The following STAG2 variants were observed in gnomAD, a reference collection of about 807,000 sequenced individuals.
STAG2 encodes STAG2 cohesin complex component, also known as cohesin subunit SA-2.
In STAG2, 14 loss-of-function variants were observed where a neutral mutation model predicts 108.1. The observed-to-expected ratio is 0.13, with a 90% CI of 0.09 to 0.20. STAG2 has a LOEUF of 0.20. STAG2 is among the 10% of genes least tolerant of loss of function. The pLI, the probability that STAG2 is intolerant of heterozygous loss-of-function variation, is 1.00. For synonymous variants in STAG2, 307 were observed against 302.7 expected, an observed-to-expected ratio of 1.01 and a Z score of -0.15; for missense variants, 440 against 940.9, an observed-to-expected ratio of 0.47 and a Z score of 6.96.
chrX:124,042,186 T>C (rs1189010783), intron 6 of STAG2, among the ~76,000 whole-genome samples: 1 of 111,177 alleles, frequency 9.0e-6, no homozygotes, highest in Non-Finnish European at 1.9e-5. Flanking sequence ...ATCTTCAGCT[T>C]CATCCCCAAG....
intron 25 of STAG2, among the ~76,000 whole-genome samples, chrX:124,072,793 C>T (rs1238070741): frequency 2.7e-5 from 3 of 109,473 alleles, no homozygotes; most frequent in Non-Finnish European, 5.7e-5. Context: ...CTCTGCCTCC[C>T]GGGTTCAAAT....
intron 14 of STAG2, among the ~76,000 whole-genome samples, 183 bp downstream of exon 14, chrX:124,056,418 T>C (rs754833830): frequency 9.0e-6 from 1 of 111,211 alleles, no homozygotes; most frequent in Non-Finnish European, 1.9e-5. Flanking sequence ...AGTTCTTTGA[T>C]TTATTTTAAG....
chrX:124,005,366 C>T (rs73212919), intron 1 of STAG2, among the ~76,000 whole-genome samples: 1 of 111,565 alleles, frequency 9.0e-6, no homozygotes, highest in Non-Finnish European at 1.9e-5. Flanking sequence ...GGTGTAAGCA[C>T]TACCACCACC....
rs747333406 is a variant in STAG2 at position 123,972,866 on chromosome X, C to CAAAAAAAAAAAA, written c.-163+11024_-163+11035dup. Among the ~76,000 whole-genome samples the CAAAAAAAAAAAA allele has an allele frequency of 2.0e-3, 43 of 21,906 alleles. 1 individual carries two copies. The highest frequency in any genetic ancestry group is 4.4e-3 in the African/African-American group (23 of 5,268). 19.0% of individuals were successfully genotyped at this position (21,906 alleles called of 115,157 possible). On this transcript the variant is annotated intron_variant, in intron 1 of 34. Transcript: ENST00000371145. The stretch of plus-strand genomic sequence containing the variant: ...AAACTCCCCCCCTCTACCAAAAATA[C>CAAAAAAAAAAAA]AAAAAAAAAAAAAAAAAAAAAAAAA...
chrX:124,016,352 C>T (rs1408509924), intron 1 of STAG2, among the ~76,000 whole-genome samples: 2 of 111,592 alleles, frequency 1.8e-5, no homozygotes, highest in Non-Finnish European at 3.8e-5. Flanking sequence ...ATTTCCCCTT[C>T]ATAATTTCCT....
chrX:123,990,839 A>G (rs776946123), intron 1 of STAG2, among the ~76,000 whole-genome samples: 1 of 112,001 alleles, frequency 8.9e-6, no homozygotes, highest in Non-Finnish European at 1.9e-5. Flanking sequence ...CCCTGGGGAC[A>G]CCAGGCTGTT....
intron 1 of STAG2, among the ~76,000 whole-genome samples, chrX:123,973,673 C>T (rs933891098): frequency 2.8e-5 from 3 of 108,213 alleles, no homozygotes; most frequent in Non-Finnish European, 5.7e-5. Context: ...GGAGAAACCC[C>T]ATCTCTACTA....
chrX:124,043,455 G>A (rs1005061420), intron 7 of STAG2, among the ~76,000 whole-genome samples: 1 of 111,611 alleles, frequency 9.0e-6, no homozygotes, highest in Admixed American at 9.5e-5. Flanking sequence ...CATCTGGCCA[G>A]TATCAATTTC....
intron 27 of STAG2, among the ~76,000 whole-genome samples, chrX:124,079,828 C>A (rs1023358649): frequency 4.5e-5 from 5 of 111,270 alleles, no homozygotes; most frequent in Non-Finnish European, 7.5e-5. Flanking sequence ...TACATGAAAT[C>A]TGATTTTTTA....
At chrX:124,047,546 A>G in intron 9 of STAG2, 41 bp downstream of exon 9, 1 of 1,120,947 alleles carries the variant, frequency 8.9e-7, no homozygotes. Flanking sequence ...TGTGTGACCA[A>G]CTTGGTCACC....
chrX:124,067,839 C>T (rs962520864), intron 23 of STAG2, among the ~76,000 whole-genome samples: 5 of 111,053 alleles, frequency 4.5e-5, no homozygotes, highest in Admixed American at 1.9e-4. Flanking sequence ...CGAGACCAGC[C>T]TGGCCAACAT....
At chrX:124,067,661 C>T (rs1276649760) in intron 23 of STAG2, among the ~76,000 whole-genome samples, 1 of 111,105 alleles carries the variant, frequency 9.0e-6, no homozygotes, top group Non-Finnish European at 1.9e-5. Flanking sequence ...TGTATAATTG[C>T]TCACCTATGT....
At chrX:123,966,975 C>G (rs141924444) in intron 1 of STAG2, among the ~76,000 whole-genome samples, 1 of 109,951 alleles carries the variant, frequency 9.1e-6, no homozygotes, top group East Asian at 2.9e-4. Flanking sequence ...ACCTTTGCCT[C>G]CCGGGTTCAA....
chrX:124,032,320 G>A (rs888291935), intron 5 of STAG2, among the ~76,000 whole-genome samples: 2 of 111,638 alleles, frequency 1.8e-5, no homozygotes, highest in East Asian at 5.6e-4. Context: ...CGAATCATTC[G>A]AATTATGTTT....
chrX:124,027,914 A>G (rs1052869326), intron 4 of STAG2, among the ~76,000 whole-genome samples: 8 of 110,804 alleles, frequency 7.2e-5, no homozygotes, highest in Admixed American at 6.8e-4. Context: ...TTCCTTTGTT[A>G]TTATCACTCC....
At chrX:123,964,718 GT>G (rs11315284) in intron 1 of STAG2, among the ~76,000 whole-genome samples, 29,760 of 100,907 alleles carry the variant, frequency 0.29, 3,585 homozygotes, top group African/African-American at 0.42. Flanking sequence ...GGTGGAGTGG[GT>G]TTTTTTTTTT....
intron 1 of STAG2, among the ~76,000 whole-genome samples, chrX:124,012,006 G>A (rs1246578205): frequency 9.0e-6 from 1 of 111,563 alleles, no homozygotes; most frequent in African/African-American, 3.3e-5. Flanking sequence ...TAGTGAAAGG[G>A]TGTTGAATCT....
rs2058846975 is a variant in STAG2 at position 124,078,127 on chromosome X, G to A, written c.2775+69G>A. On this transcript the variant is annotated intron_variant, in intron 27 of 34. Transcript: ENST00000371145. ...TAATAGTTAGCAAAATAAGGTAGCAGTTGAAATTGGGCAAAGTGTGCAATA... is the reference window on the plus strand; with the variant it reads ...TAATAGTTAGCAAAATAAGGTAGCAATTGAAATTGGGCAAAGTGTGCAATA... 1.0e-5 allele frequency: 8 copies of A among 765,404 alleles called. No individual in the cohort carries two copies. The South Asian group carries it at 1.8e-4, about 17-fold the overall frequency. The allele number at this position is 765,404 out of a possible 1,213,427, so 63.1% of individuals were successfully genotyped here. A position where few individuals can be genotyped will look rare whatever the true frequency, so the allele number is the denominator to read the frequency against.
chrX:124,056,765 C>T (rs1335086847), intron 14 of STAG2, among the ~76,000 whole-genome samples: 2 of 104,061 alleles, frequency 1.9e-5, no homozygotes, highest in African/African-American at 7.0e-5. Context: ...GGGAAATGTA[C>T]CCATGTCTTT....
Sources: allele counts gnomAD v4.1 joint callset (sites outside exome capture counted in the v4.1 genomes callset), GRCh38; gene constraint gnomAD v4.1.1; transcripts MANE v1.5; gene names NCBI Gene and HGNC (gene_info 2026-07-23, HGNC 2026-07-21).